Variants in ADCY2 observed in about 807,000 individuals in gnomAD.
The protein encoded by ADCY2 is adenylate cyclase type 2.
Under a neutral mutation model 125.2 loss-of-function variants are expected in ADCY2, and 31 were observed. The ratio of observed to expected loss-of-function variants is 0.25; its 90% CI spans 0.19 to 0.33. ADCY2 has a LOEUF of 0.33. ADCY2 is among the 10% of genes least tolerant of loss of function. The probability of loss-of-function intolerance (pLI) is 1.00; values close to 1 mark genes in which losing one functional copy is unlikely to be tolerated. For synonymous variants in ADCY2, 512 were observed against 548.4 expected (o/e 0.93, Z 0.93); for missense variants, 904 against 1,418.2 (o/e 0.64, Z 5.82).
At chr5:7,732,005 C>A (rs1208332149) in intron 14 of ADCY2, among the ~76,000 whole-genome samples, 1 of 152,168 alleles carries the variant, frequency 6.6e-6, no homozygotes, top group Non-Finnish European at 1.5e-5. Flanking sequence ...GTAATTTTGT[C>A]TGTACGTTCA....
intron 2 of ADCY2, among the ~76,000 whole-genome samples, chr5:7,510,456 G>T (rs1229776942): frequency 6.6e-6 from 1 of 152,142 alleles, no homozygotes; most frequent in African/African-American, 2.4e-5. Context: ...ACAGCACCTG[G>T]GAAGCAGGGT....
intron 4 of ADCY2, among the ~76,000 whole-genome samples, chr5:7,679,293 G>T (rs542387079): frequency 1.8e-4 from 28 of 152,340 alleles, no homozygotes; most frequent in African/African-American, 6.3e-4. Flanking sequence ...TCCAGTGCGG[G>T]TCTGAGGCTG....
At chr5:7,602,766 C>T (rs1737260259) in intron 3 of ADCY2, among the ~76,000 whole-genome samples, 1 of 152,174 alleles carries the variant, frequency 6.6e-6, no homozygotes, top group Non-Finnish European at 1.5e-5. Context: ...TGAGCAAACT[C>T]CATGTTAACA....
At chr5:7,524,184 C>G (rs1209711262) in intron 3 of ADCY2, among the ~76,000 whole-genome samples, 5 of 152,228 alleles carry the variant, frequency 3.3e-5, no homozygotes, top group African/African-American at 1.2e-4. Context: ...TATTCCTTAA[C>G]ACATTTTCAA....
intron 20 of ADCY2, chr5:7,801,699 T>C (rs935854630): frequency 1.3e-5 from 2 of 152,578 alleles, no homozygotes; most frequent in African/African-American, 2.4e-5. Context: ...ATATAGTCAG[T>C]GTCTAATATA....
chr5:7,513,106 CAGAGAGAG>C (rs1554015691), intron 2 of ADCY2, among the ~76,000 whole-genome samples: 1 of 138,432 alleles, frequency 7.2e-6, no homozygotes, highest in African/African-American at 2.6e-5. Flanking sequence ...CACACACACA[CAGAGAGAG>C]AGAGAGAGAG....
At chr5:7,688,270 TG>T (rs1403365063) in intron 4 of ADCY2, among the ~76,000 whole-genome samples, 6 of 78,224 alleles carry the variant, frequency 7.7e-5, no homozygotes, top group African/African-American at 3.2e-4. Context: ...TGATTTTTTT[TG>T]TTGTTTTTTT....
chr5:7,675,809 G>A (rs370986664), intron 4 of ADCY2, among the ~76,000 whole-genome samples: 13 of 152,124 alleles, frequency 8.5e-5, no homozygotes, highest in African/African-American at 2.9e-4. Context: ...GAACTTCGTG[G>A]GCATGTTTAG....
At chr5:7,469,343 A>G (rs1742246746) in intron 2 of ADCY2, among the ~76,000 whole-genome samples, 1 of 151,958 alleles carries the variant, frequency 6.6e-6, no homozygotes, top group Non-Finnish European at 1.5e-5. Flanking sequence ...TTTATACTAT[A>G]TGGTTAATAT....
At chr5:7,788,369 G>A (rs1453594979) in intron 19 of ADCY2, among the ~76,000 whole-genome samples, 2 of 152,030 alleles carry the variant, frequency 1.3e-5, no homozygotes, top group African/African-American at 2.4e-5. Flanking sequence ...TAGTAGAGAC[G>A]GGATTTTGCC....
intron 2 of ADCY2, among the ~76,000 whole-genome samples, chr5:7,489,087 A>T (rs1335078445): frequency 6.6e-6 from 1 of 152,170 alleles, no homozygotes; most frequent in Non-Finnish European, 1.5e-5. Flanking sequence ...CCCTGCCCAG[A>T]GCACTCCTGA....
rs70940743 is a variant in ADCY2 at position 7,506,789 on chromosome 5, C to CTTTTTTTTT, written c.409-13928_409-13920dup. Among the ~76,000 whole-genome samples, 50 of 55,060 alleles carry CTTTTTTTTT rather than the reference C, an allele frequency of 9.1e-4. 6 individuals are homozygous for CTTTTTTTTT. The highest frequency in any genetic ancestry group is 1.3e-3 in the Non-Finnish European group (40 of 30,662). 36.1% of individuals were successfully genotyped at this position (55,060 alleles called of 152,430 possible). Reference sequence around the variant, plus strand: ...AGGGGTAAATGTGTGATGCGTTGCTCTTTTTTTTTTTTTTTTTTTTTTTTT... The same window carrying CTTTTTTTTT: ...AGGGGTAAATGTGTGATGCGTTGCTCTTTTTTTTTTTTTTTTTTTTTTTTTTTTTTTTTT... On this transcript the variant is annotated intron_variant, in intron 2 of 24. Transcript: ENST00000338316.
At chr5:7,421,317 T>C (rs1740195476) in intron 2 of ADCY2, among the ~76,000 whole-genome samples, 1 of 152,234 alleles carries the variant, frequency 6.6e-6, no homozygotes, top group African/African-American at 2.4e-5. Flanking sequence ...GAAATCACAG[T>C]GTCAGCAGGG....
intron 2 of ADCY2, among the ~76,000 whole-genome samples, chr5:7,479,016 G>A (rs553064521): frequency 2.6e-5 from 4 of 151,758 alleles, no homozygotes; most frequent in Admixed American, 6.6e-5. Context: ...AACTTTTTTC[G>A]CTCATATTAT....
intron 14 of ADCY2, among the ~76,000 whole-genome samples, chr5:7,738,995 GTTATTA>G (rs1742332455): frequency 1.3e-5 from 2 of 151,750 alleles, no homozygotes; most frequent in African/African-American, 2.4e-5. Flanking sequence ...CTCTTTTCTA[GTTATTA>G]TTATTATACC....
At chr5:7,540,856 G>C (rs1008742170) in intron 3 of ADCY2, among the ~76,000 whole-genome samples, 17 of 152,270 alleles carry the variant, frequency 1.1e-4, no homozygotes, top group African/African-American at 3.9e-4. Context: ...TTCAGGGGGT[G>C]GGAGCAAGGG....
intron 2 of ADCY2, among the ~76,000 whole-genome samples, chr5:7,508,776 C>T (rs948447612): frequency 2.6e-5 from 4 of 152,058 alleles, no homozygotes; most frequent in Admixed American, 6.6e-5. Flanking sequence ...ATTAGGAAAC[C>T]GAGGAAAATG....
chr5:7,808,825 C>T (rs1744844290), intron 22 of ADCY2, among the ~76,000 whole-genome samples: 2 of 152,242 alleles, frequency 1.3e-5, no homozygotes, highest in African/African-American at 4.8e-5. Flanking sequence ...CATTCCTCCA[C>T]CCTCAGCTGC....
At chr5:7,574,370 C>T (rs1018734292) in intron 3 of ADCY2, among the ~76,000 whole-genome samples, 1 of 151,866 alleles carries the variant, frequency 6.6e-6, no homozygotes, top group Non-Finnish European at 1.5e-5. Context: ...AGTTTACAGT[C>T]CCACCAACAG....
Sources: gnomAD v4.1 joint callset for allele counts (sites outside exome capture counted in the v4.1 genomes callset) on GRCh38, gnomAD v4.1.1 for gene constraint, MANE v1.5 for transcripts, NCBI Gene and HGNC (gene_info 2026-07-23, HGNC 2026-07-21) for gene names.